SLC24A2: variants seen among roughly 807,000 people sequenced by gnomAD.
SLC24A2 encodes the protein solute carrier family 24 member 2, also known as sodium/potassium/calcium exchanger 2.
In SLC24A2, 36 loss-of-function variants were observed where a neutral mutation model predicts 62.0. That is an observed-to-expected ratio of 0.58 (90% confidence interval 0.44 to 0.77). The LOEUF (loss-of-function observed/expected upper bound fraction) is 0.77. Among genes scored for constraint, SLC24A2 ranks in the 30% least tolerant of loss-of-function variants. The pLI, the probability that SLC24A2 is intolerant of heterozygous loss-of-function variation, is 0.00. For missense variants in SLC24A2, 846 were observed against 817.9 expected, an observed-to-expected ratio of 1.03 and a Z score of -0.42; for synonymous variants, 358 against 294.0, an observed-to-expected ratio of 1.22 and a Z score of -2.23.
At chr9:19,642,598 CA>C (rs1240424001) in intron 2 of SLC24A2, among the ~76,000 whole-genome samples, 1 of 151,554 alleles carries the variant, frequency 6.6e-6, no homozygotes, top group African/African-American at 2.4e-5. Context: ...TTACATTGAC[CA>C]AATAGAGTTT....
At chr9:19,710,950 G>C in intron 2 of SLC24A2, among the ~76,000 whole-genome samples, 1 of 152,228 alleles carries the variant, frequency 6.6e-6, no homozygotes, top group African/African-American at 2.4e-5. Context: ...AACAGACTCA[G>C]AGAATGTACT....
At chr9:20,170,137 GA>G in the SLC24A2 span, among the ~76,000 whole-genome samples, 36,117 of 138,818 alleles carry the variant, frequency 0.26, 5,345 homozygotes, top group African/African-American at 0.45. Flanking sequence ...AAGACAAAAA[GA>G]AAAAAAAAAA....
At chr9:20,095,315 G>A in the SLC24A2 span, among the ~76,000 whole-genome samples, 1 of 152,178 alleles carries the variant, frequency 6.6e-6, no homozygotes, top group Non-Finnish European at 1.5e-5. Context: ...ACCTGTGATG[G>A]TTAATTTTAT....
At position 19,528,113 on chromosome 9, in the gene SLC24A2, G is replaced by T; in HGVS notation, c.1505C>A (p.Thr502Lys). The T allele has an allele frequency of 6.3e-7, 1 of 1,595,108 alleles. No individual in the cohort carries two copies. The highest frequency in any genetic ancestry group is 8.5e-7 in the Non-Finnish European group (1 of 1,169,892). Residue 502 changes from threonine (T) to lysine (K), a missense_variant, in exon 9 of 11, where the codon ACG (threonine) becomes AAG (lysine). Transcript: ENST00000341998. ...KPSSRKFFPI[T>K]FFGSITWIAV... ...AATCCAGGTAATGGAGCCAAAGAAC[G>T]TGATGGGAAAAAACTTCCTCGATGA...
At chr9:19,619,745 A>G (rs900404811) in intron 3 of SLC24A2, 53 bp from the exon 4 acceptor site, 3 of 1,351,666 alleles carry the variant, frequency 2.2e-6, no homozygotes, top group African/African-American at 2.9e-5. Flanking sequence ...AGACAAGTGC[A>G]TTATAGACAA....
chr9:19,650,981 T>C (rs1818785314), intron 2 of SLC24A2, among the ~76,000 whole-genome samples: 1 of 152,176 alleles, frequency 6.6e-6, no homozygotes, highest in Admixed American at 6.5e-5. Flanking sequence ...AGTGGTCAAC[T>C]TGTATTGATA....
chr9:19,724,656 C>T (rs1821120182), intron 2 of SLC24A2, among the ~76,000 whole-genome samples: 1 of 152,128 alleles, frequency 6.6e-6, no homozygotes, highest in Non-Finnish European at 1.5e-5. Context: ...AGCTTATGCC[C>T]AATCTAATTA....
intron 2 of SLC24A2, among the ~76,000 whole-genome samples, chr9:19,756,792 T>C (rs1325854930): frequency 6.6e-6 from 1 of 152,102 alleles, no homozygotes; most frequent in Non-Finnish European, 1.5e-5. Context: ...GATGTTTCTC[T>C]AGTCTTTCTC....
the SLC24A2 span, among the ~76,000 whole-genome samples, chr9:20,010,706 C>T: frequency 7.3e-3 from 1,109 of 151,736 alleles, 14 homozygotes; most frequent in African/African-American, 0.025. Flanking sequence ...GTGTGCTGCA[C>T]GCGTTAACTC....
the SLC24A2 span, among the ~76,000 whole-genome samples, chr9:20,213,506 T>A: frequency 6.6e-6 from 1 of 152,046 alleles, no homozygotes; most frequent in Non-Finnish European, 1.5e-5. Context: ...GTAAAATCAA[T>A]AAAAATGTAT....
At chr9:20,265,559 T>C in the SLC24A2 span, among the ~76,000 whole-genome samples, 35 of 152,338 alleles carry the variant, frequency 2.3e-4, no homozygotes, top group Admixed American at 4.6e-4. Context: ...AATCTCTTAA[T>C]CCTGTCGTTT....
chr9:19,642,901 C>T (rs375044331), intron 2 of SLC24A2, among the ~76,000 whole-genome samples: 1 of 150,156 alleles, frequency 6.7e-6, no homozygotes, highest in African/African-American at 2.5e-5. Flanking sequence ...AAGATGGTCT[C>T]GATCTCCTGA....
intron 5 of SLC24A2, among the ~76,000 whole-genome samples, chr9:19,581,191 G>A (rs971494328): frequency 5.9e-5 from 9 of 152,162 alleles, no homozygotes; most frequent in Non-Finnish European, 1.3e-4. Flanking sequence ...TTGGACTGGT[G>A]TTCAAGTTTC....
intron 5 of SLC24A2, among the ~76,000 whole-genome samples, chr9:19,595,065 A>AG (rs1219890178): frequency 6.6e-6 from 1 of 152,240 alleles, no homozygotes; most frequent in Non-Finnish European, 1.5e-5. Context: ...TTCCTGTTCT[A>AG]GGTGAAGGAT....
At chr9:19,682,004 T>C (rs942313312) in intron 2 of SLC24A2, among the ~76,000 whole-genome samples, 1 of 152,264 alleles carries the variant, frequency 6.6e-6, no homozygotes, top group African/African-American at 2.4e-5. Context: ...CCAGGGTGAT[T>C]GATCGTCCTT....
chr9:20,176,270 T>C, the SLC24A2 span, among the ~76,000 whole-genome samples: 1 of 152,054 alleles, frequency 6.6e-6, no homozygotes, highest in Non-Finnish European at 1.5e-5. Flanking sequence ...CTGAGTATAA[T>C]ATCTTCTGAT....
At chr9:20,233,571 T>C in the SLC24A2 span, among the ~76,000 whole-genome samples, 3 of 152,214 alleles carry the variant, frequency 2.0e-5, no homozygotes, top group Admixed American at 2.0e-4. Flanking sequence ...TTGTTTTCCG[T>C]TTGCTTGGTG....
the SLC24A2 span, among the ~76,000 whole-genome samples, chr9:20,233,213 G>A: frequency 3.3e-5 from 5 of 152,222 alleles, no homozygotes; most frequent in Non-Finnish European, 7.3e-5. Context: ...TTGATTTGGA[G>A]TGGAGAATTC....
the SLC24A2 span, among the ~76,000 whole-genome samples, chr9:20,170,107 C>T: frequency 2.4e-3 from 356 of 148,966 alleles, no homozygotes; most frequent in Admixed American, 4.8e-3. Context: ...ACAAGATTTT[C>T]GAATTAACCC....
Sources: gnomAD v4.1 joint callset for allele counts (sites outside exome capture counted in the v4.1 genomes callset) on GRCh38, gnomAD v4.1.1 for gene constraint, MANE v1.5 for transcripts, NCBI Gene and HGNC (gene_info 2026-07-23, HGNC 2026-07-21) for gene names.